The following RABL3 variants were observed in gnomAD, a reference collection of about 807,000 sequenced individuals.
RABL3 encodes RAB, member of RAS oncogene family like 3, also known as rab-like protein 3.
A neutral mutation model predicts 31.8 loss-of-function variants in RABL3; 31 were observed. The observed-to-expected ratio is 0.97, with a 90% CI of 0.73 to 1.31. The LOEUF is 1.31. RABL3 is among the 40% of genes most tolerant of loss of function. The probability of loss-of-function intolerance (pLI) is 0.00; values close to 1 mark genes in which losing one functional copy is unlikely to be tolerated. For synonymous variants in RABL3, 97 were observed against 99.9 expected (o/e 0.97, Z 0.18); for missense variants, 263 against 279.6 (o/e 0.94, Z 0.42).
intron 5 of RABL3, among the ~76,000 whole-genome samples, chr3:120,694,700 A>T (rs996704268): frequency 2.6e-5 from 4 of 152,138 alleles, no homozygotes; most frequent in African/African-American, 9.6e-5. Flanking sequence ...AGGTGCAAAG[A>T]ACAAACAGAA....
At chr3:120,704,969 T>G (rs1708532582) in intron 4 of RABL3, among the ~76,000 whole-genome samples, 1 of 152,176 alleles carries the variant, frequency 6.6e-6, no homozygotes. Context: ...GAGGTTGCAG[T>G]GAACTGAGAT....
chr3:120,719,700 G>A (rs1232017770), intron 2 of RABL3, among the ~76,000 whole-genome samples: 1 of 152,230 alleles, frequency 6.6e-6, no homozygotes, highest in Non-Finnish European at 1.5e-5. Flanking sequence ...AAAGCAGCCA[G>A]GAAGCTCGAA....
intron 2 of RABL3, among the ~76,000 whole-genome samples, chr3:120,726,443 C>T (rs559155221): frequency 2.0e-5 from 3 of 152,140 alleles, no homozygotes; most frequent in African/African-American, 7.2e-5. Flanking sequence ...TGGGGCAACA[C>T]GGTGCAACCC....
At position 120,709,910 on chromosome 3, in the gene RABL3, C is replaced by G; in HGVS notation, c.139-1G>C. ...GGGTTCCTTCTTTGTAATCATGAAC[C>G]TAACAAATCAATCAATTAAAATAAT... On this transcript the variant is annotated splice_acceptor_variant, in intron 2 of 7. Transcript: ENST00000273375. LOFTEE classifies it high-confidence loss of function. The G allele has an allele frequency of 6.3e-7, 1 of 1,583,256 alleles. No individual in the cohort carries two copies. Among genetic ancestry groups the G allele is most frequent in the Non-Finnish European group, 8.6e-7 (1 of 1,164,802 alleles).
intron 6 of RABL3, among the ~76,000 whole-genome samples, chr3:120,691,997 G>T (rs887493116): frequency 1.3e-5 from 2 of 152,160 alleles, no homozygotes; most frequent in Admixed American, 1.3e-4. Flanking sequence ...GGGCAAAGTT[G>T]CATTCACTTA....
At chr3:120,733,248 C>T (rs908012774) in intron 1 of RABL3, among the ~76,000 whole-genome samples, 87 of 152,058 alleles carry the variant, frequency 5.7e-4, no homozygotes, top group African/African-American at 2.0e-3. Flanking sequence ...TTTTAATGAT[C>T]GCCATTCTAA....
At chr3:120,720,315 A>G (rs1016165927) in intron 2 of RABL3, among the ~76,000 whole-genome samples, 2 of 152,250 alleles carry the variant, frequency 1.3e-5, no homozygotes, top group Non-Finnish European at 2.9e-5. Flanking sequence ...ATCACCGACA[A>G]TGGAGCAAAG....
intron 2 of RABL3, among the ~76,000 whole-genome samples, chr3:120,710,976 T>C (rs558636154): frequency 1.1e-4 from 17 of 152,288 alleles, no homozygotes; most frequent in African/African-American, 3.8e-4. Flanking sequence ...AGGTCACCAA[T>C]GACCTCCACA....
At position 120,717,759 on chromosome 3, in the gene RABL3, G is replaced by A. The variant is rs970914776; in HGVS notation, c.139-7850C>T. On this transcript the variant is annotated intron_variant, in intron 2 of 7. Transcript: ENST00000273375. ...GCTGGGATTACAGGCGTGACCCACC[G>A]CACCCAGTCCCAAAGCAGAAGTTTC... Among the ~76,000 whole-genome samples, 11 of 152,076 alleles carry A rather than the reference G, an allele frequency of 7.2e-5. No homozygotes were observed. In the South Asian group the frequency reaches 1.2e-3, roughly 17 times the overall value.
chr3:120,723,283 C>T (rs1489942992), intron 2 of RABL3, among the ~76,000 whole-genome samples: 1 of 152,062 alleles, frequency 6.6e-6, no homozygotes, highest in Non-Finnish European at 1.5e-5. Flanking sequence ...CAATAACAGG[C>T]TAGGAAATTG....
Position 120,713,794 on chromosome 3 carries a change from T to C in RABL3, c.139-3885A>G, listed in dbSNP as rs914230071. On this transcript the variant is annotated intron_variant, in intron 2 of 7. Transcript: ENST00000273375. ...GGTTTTGTTTCATTTGAAGAGTTCATTCATTGTCTGTAACTTTTTTTTTTT... is the reference window on the plus strand; with the variant it reads ...GGTTTTGTTTCATTTGAAGAGTTCACTCATTGTCTGTAACTTTTTTTTTTT... Among the ~76,000 whole-genome samples, 5 of 151,572 alleles carry C rather than the reference T, an allele frequency of 3.3e-5. No individual in the cohort carries two copies. In the South Asian group the frequency reaches 8.3e-4, roughly 25 times the overall value.
At chr3:120,691,386 C>A (rs1363685698) in intron 6 of RABL3, among the ~76,000 whole-genome samples, 1 of 152,126 alleles carries the variant, frequency 6.6e-6, no homozygotes, top group East Asian at 1.9e-4. Flanking sequence ...GGTGTGAAAG[C>A]AACATGCATT....
At chr3:120,730,302 G>C (rs1708867487) in intron 2 of RABL3, among the ~76,000 whole-genome samples, 2 of 152,170 alleles carry the variant, frequency 1.3e-5, no homozygotes, top group Non-Finnish European at 2.9e-5. Flanking sequence ...AAATGACCCA[G>C]ACATGAAGCT....
At chr3:120,737,357 A>G (rs1708981394) in intron 1 of RABL3, among the ~76,000 whole-genome samples, 1 of 152,208 alleles carries the variant, frequency 6.6e-6, no homozygotes, top group African/African-American at 2.4e-5. Flanking sequence ...TTCTTGTGCC[A>G]TGGTTTTCAG....
At chr3:120,720,998 T>C (rs1172586096) in intron 2 of RABL3, among the ~76,000 whole-genome samples, 1 of 152,176 alleles carries the variant, frequency 6.6e-6, no homozygotes. Flanking sequence ...TGGCAGAAAC[T>C]CTACAAGCCA....
At chr3:120,733,307 T>C (rs1007952306) in intron 1 of RABL3, among the ~76,000 whole-genome samples, 3 of 152,220 alleles carry the variant, frequency 2.0e-5, no homozygotes, top group South Asian at 2.1e-4. Flanking sequence ...ATTTCTCTGA[T>C]GGCCAGTGAT....
intron 4 of RABL3, among the ~76,000 whole-genome samples, chr3:120,700,246 A>G (rs1293831716): frequency 6.6e-6 from 1 of 152,188 alleles, no homozygotes; most frequent in Non-Finnish European, 1.5e-5. Flanking sequence ...ACAGCCAGGT[A>G]TCATATTATA....
chr3:120,708,145 C>T (rs776185781), intron 3 of RABL3, among the ~76,000 whole-genome samples: 1 of 151,432 alleles, frequency 6.6e-6, no homozygotes, highest in Non-Finnish European at 1.5e-5. Flanking sequence ...ACTTTGAGTG[C>T]TTCTACCAGG....
At position 120,742,475 on chromosome 3, in the gene RABL3, C is replaced by A. The variant is rs752620682; in HGVS notation, c.33G>T (p.Val11=). 1 of 1,614,210 alleles carries A rather than the reference C, an allele frequency of 6.2e-7. No individual in the cohort carries two copies. Among genetic ancestry groups the A allele is most frequent in the Non-Finnish European group, 8.5e-7 (1 of 1,180,020 alleles). The change falls in exon 1 of 8, where the codon GTG becomes GTT. Residue 11 remains valine, a synonymous_variant. Transcript: ENST00000273375. MASLDRVKVL[V]LGDSGVGKSS... is the part of the protein sequence containing the mutation. ...TAAGCCGCTCACCTGAGTCTCCCAA[C>A]ACCAGTACCTTCACCCGATCCAGGG...
Sources: gnomAD v4.1 joint callset for allele counts (sites outside exome capture counted in the v4.1 genomes callset) on GRCh38, gnomAD v4.1.1 for gene constraint, MANE v1.5 for transcripts, NCBI Gene and HGNC (gene_info 2026-07-23, HGNC 2026-07-21) for gene names.